Variants in ZNF292 observed in about 807,000 individuals in gnomAD.
ZNF292 encodes the protein 16 zinc-finger domain protein.
ZNF292 carries 26 observed loss-of-function variants against 217.9 expected under a neutral mutation model. The observed-to-expected ratio is 0.12, with a 90% confidence interval of 0.09 to 0.17. ZNF292 has a LOEUF of 0.17. Among genes scored for constraint, ZNF292 ranks in the 10% least tolerant of loss-of-function variants. The pLI is 1.00. For synonymous variants in ZNF292, 1,257 were observed against 1,124.1 expected (o/e 1.12, Z -2.37); for missense variants, 2,904 against 3,175.2 (o/e 0.91, Z 2.05).
chr6:87,160,641 C>G (rs191516507), intron 1 of ZNF292, among the ~76,000 whole-genome samples: 2 of 142,700 alleles, frequency 1.4e-5, no homozygotes, highest in Non-Finnish European at 3.0e-5. Flanking sequence ...TACATGTATA[C>G]GGTGTGTGTG....
intron 1 of ZNF292, among the ~76,000 whole-genome samples, chr6:87,178,395 A>G (rs1771368822): frequency 1.3e-5 from 2 of 152,200 alleles, no homozygotes; most frequent in African/African-American, 2.4e-5. Context: ...TACTGAAATT[A>G]TGTTACTTTT....
intron 1 of ZNF292, among the ~76,000 whole-genome samples, chr6:87,186,663 G>C (rs998013129): frequency 6.6e-6 from 1 of 152,190 alleles, no homozygotes; most frequent in Non-Finnish European, 1.5e-5. Context: ...AGGATCACTT[G>C]AGCCCAGGAG....
At chr6:87,243,730 A>G in intron 6 of ZNF292, 119 bp downstream of exon 6, 1 of 979,046 alleles carries the variant, frequency 1.0e-6, no homozygotes, top group South Asian at 3.0e-5. Flanking sequence ...AAAGGCTTAT[A>G]TTTAGATATT....
intron 4 of ZNF292, among the ~76,000 whole-genome samples, chr6:87,230,775 T>C (rs893085295): frequency 6.6e-6 from 1 of 151,942 alleles, no homozygotes; most frequent in East Asian, 1.9e-4. Flanking sequence ...GAAGGCTCTT[T>C]TACATTTTTA....
chr6:87,201,301 A>G (rs1772093424), intron 1 of ZNF292, among the ~76,000 whole-genome samples: 1 of 152,082 alleles, frequency 6.6e-6, no homozygotes. Context: ...TGCAGTTATT[A>G]TTATCTTCCA....
At chr6:87,167,005 T>C (rs529386740) in intron 1 of ZNF292, among the ~76,000 whole-genome samples, 47 of 152,354 alleles carry the variant, frequency 3.1e-4, no homozygotes, top group African/African-American at 1.1e-3. Context: ...TATATTTTGC[T>C]GCCTGTGTTT....
At position 87,258,345 on chromosome 6, in the gene ZNF292, G is replaced by A. The variant is rs1264785661; in HGVS notation, c.4716G>A (p.Thr1572=). Residue 1572 remains threonine, a synonymous_variant, in exon 8 of 8, where the codon ACG becomes ACA. Transcript: ENST00000369577. ...GTAGCAGCTTGCCTGTTTTTCCAAC[G>A]AATGACTTACTACTGAAGACTGTTG... ...EECSSLPVFP[T]NDLLLKTVEN... is the part of the protein sequence containing the mutation. The A allele has an allele frequency of 4.3e-6, 7 of 1,613,512 alleles. No homozygotes were observed. The highest frequency in any genetic ancestry group is 1.6e-4 in the Middle Eastern group (1 of 6,062).
chr6:87,255,175 C>G lies in ZNF292; in HGVS notation c.1546C>G (p.Gln516Glu). The change falls in exon 8 of 8, where the codon CAG becomes GAG. Residue 516 changes from glutamine to glutamate, a missense_variant. Gln to Glu is a conservative substitution (Grantham distance 29). This residue lies in a region of ZNF292 where 87 missense variants were observed against 99.6 expected (regional missense o/e 0.87). Transcript: ENST00000369577. ...TCTTAAAGACATTGGTGATGAAAAG[C>G]AGAAGAAGAGAGAGATAAAACAGTT... ...GLLKDIGDEK[Q>E]KKREIKQLRE... The G allele has an allele frequency of 6.2e-7, 1 of 1,613,698 alleles. No homozygotes were observed. The highest frequency in any genetic ancestry group is 8.5e-7 in the Non-Finnish European group (1 of 1,179,818).
At chr6:87,165,624 T>G (rs1770887823) in intron 1 of ZNF292, among the ~76,000 whole-genome samples, 1 of 152,210 alleles carries the variant, frequency 6.6e-6, no homozygotes, top group African/African-American at 2.4e-5. Flanking sequence ...TTTTAGAGGG[T>G]CACTGGGATT....
chr6:87,200,959 G>T (rs1772083973), intron 1 of ZNF292, among the ~76,000 whole-genome samples: 1 of 152,148 alleles, frequency 6.6e-6, no homozygotes, highest in East Asian at 1.9e-4. Context: ...AGGGATGGTA[G>T]CCTGAGATAT....
chr6:87,177,275 C>T (rs1268178464), intron 1 of ZNF292, among the ~76,000 whole-genome samples: 5 of 150,724 alleles, frequency 3.3e-5, no homozygotes, highest in African/African-American at 9.8e-5. Context: ...TGCAGTGAGC[C>T]GAGATCGCAC....
chr6:87,181,103 C>G (rs1771458700), intron 1 of ZNF292, among the ~76,000 whole-genome samples: 1 of 152,142 alleles, frequency 6.6e-6, no homozygotes. Flanking sequence ...TTGCCGTCTG[C>G]AGACGGCTTT....
intron 1 of ZNF292, among the ~76,000 whole-genome samples, chr6:87,180,095 G>T (rs540862025): frequency 6.6e-6 from 1 of 152,258 alleles, no homozygotes; most frequent in East Asian, 1.9e-4. Flanking sequence ...CACATTGAAA[G>T]AATTGTCTTG....
intron 7 of ZNF292, among the ~76,000 whole-genome samples, chr6:87,252,023 T>G (rs1774943339): frequency 6.6e-6 from 1 of 152,228 alleles, no homozygotes; most frequent in East Asian, 1.9e-4. Flanking sequence ...AATCAGCTTT[T>G]GCCATTCCTG....
rs199609664 is a variant in ZNF292 at position 87,260,988 on chromosome 6, G to A, written c.7359G>A (p.Thr2453=). Residue 2453 remains threonine, a synonymous_variant, in exon 8 of 8, where the codon ACG becomes ACA. Coordinates refer to ENST00000369577, the MANE Select transcript of ZNF292 (RefSeq NM_015021.3). ...GAKNDVKDSD[T]CVSESNDNSR... is the part of the protein sequence containing the mutation. ...AGAATGATGTGAAAGATTCTGACAC[G>A]TGTGTATCAGAGAGCAATGATAATT... The A allele has an allele frequency of 3.4e-5, 55 of 1,606,902 alleles. No individual in the cohort carries two copies. The highest frequency in any genetic ancestry group is 4.3e-5 in the Non-Finnish European group (50 of 1,176,250).
intron 1 of ZNF292, among the ~76,000 whole-genome samples, chr6:87,157,214 C>T (rs1770572077): frequency 6.6e-6 from 1 of 152,140 alleles, no homozygotes; most frequent in Admixed American, 6.5e-5. Context: ...GTGGTGACGT[C>T]TAGGAGGATG....
chr6:87,159,949 AT>A (rs1310309135), intron 1 of ZNF292, among the ~76,000 whole-genome samples: 1 of 152,246 alleles, frequency 6.6e-6, no homozygotes, highest in East Asian at 1.9e-4. Flanking sequence ...AATTTCTTGC[AT>A]TTACTTGTTT....
chr6:87,178,502 TATA>T (rs1455066772), intron 1 of ZNF292, among the ~76,000 whole-genome samples: 3 of 152,240 alleles, frequency 2.0e-5, no homozygotes, highest in South Asian at 2.1e-4. Flanking sequence ...AATGTGAGTG[TATA>T]ATAAGTAGTA....
intron 5 of ZNF292, among the ~76,000 whole-genome samples, chr6:87,239,254 G>A (rs1484817829): frequency 2.0e-5 from 3 of 152,060 alleles, no homozygotes; most frequent in Admixed American, 1.3e-4. Flanking sequence ...CAGAAGGGGC[G>A]GCCGGGCAAA....
Sources: gnomAD v4.1 joint callset for allele counts (sites outside exome capture counted in the v4.1 genomes callset) on GRCh38, gnomAD v4.1.1 for gene constraint, gnomAD v4.1.1 regional missense constraint, MANE v1.5 for transcripts, NCBI Gene and HGNC (gene_info 2026-07-23, HGNC 2026-07-21) for gene names.